MAD1L1: variants seen among roughly 807,000 people sequenced by gnomAD.
MAD1L1 encodes the protein mitotic spindle assembly checkpoint protein MAD1.
A neutral mutation model predicts 96.9 loss-of-function variants in MAD1L1; 95 were observed. The observed-to-expected ratio is 0.98, with a 90% CI of 0.83 to 1.16. MAD1L1 has a LOEUF of 1.16. MAD1L1 is among the 50% of genes most tolerant of loss of function. The probability of loss-of-function intolerance (pLI) is 0.00; values close to 1 mark genes in which losing one functional copy is unlikely to be tolerated. For missense variants in MAD1L1, 1,007 were observed against 954.4 expected, an observed-to-expected ratio of 1.06 and a Z score of -0.73; for synonymous variants, 473 against 396.6, an observed-to-expected ratio of 1.19 and a Z score of -2.29.
intron 18 of MAD1L1, among the ~76,000 whole-genome samples, chr7:1,852,775 G>A (rs577165655): frequency 9.9e-5 from 15 of 152,280 alleles, no homozygotes; most frequent in African/African-American, 3.6e-4. Flanking sequence ...TGCCTCCTGA[G>A]CCCACCCAGC....
At chr7:2,138,952 A>G (rs368946749) in intron 11 of MAD1L1, among the ~76,000 whole-genome samples, 12 of 152,210 alleles carry the variant, frequency 7.9e-5, no homozygotes, top group East Asian at 3.9e-4. Context: ...GATTTTCCAG[A>G]TGAAAAGCAG....
At chr7:2,177,014 A>C (rs2128598554) in intron 10 of MAD1L1, among the ~76,000 whole-genome samples, 1 of 152,358 alleles carries the variant, frequency 6.6e-6, no homozygotes, top group Middle Eastern at 3.4e-3. Flanking sequence ...ATATGTTATT[A>C]AAAGACGTAT....
intron 16 of MAD1L1, among the ~76,000 whole-genome samples, chr7:1,955,855 G>A (rs1408585541): frequency 6.6e-6 from 1 of 152,154 alleles, no homozygotes; most frequent in African/African-American, 2.4e-5. Context: ...GGGCTCTTCA[G>A]TTATTTGACT....
chr7:1,959,112 C>T (rs1417634176), intron 15 of MAD1L1, among the ~76,000 whole-genome samples: 3 of 152,042 alleles, frequency 2.0e-5, no homozygotes, highest in East Asian at 1.9e-4. Flanking sequence ...ATTAGCCGGG[C>T]GTCGTGGTAC....
intron 17 of MAD1L1, among the ~76,000 whole-genome samples, chr7:1,909,972 A>T (rs1787913185): frequency 6.6e-6 from 1 of 152,166 alleles, no homozygotes; most frequent in South Asian, 2.1e-4. Flanking sequence ...CAGCTTTCAA[A>T]CAGGGCACCT....
chr7:2,186,144 G>C (rs931930689), intron 10 of MAD1L1, among the ~76,000 whole-genome samples: 1 of 152,184 alleles, frequency 6.6e-6, no homozygotes, highest in Admixed American at 6.5e-5. Context: ...ATTTTGGAAC[G>C]TAATTTGGCA....
At chr7:2,079,588 G>A (rs984521086) in intron 11 of MAD1L1, 38 of 469,002 alleles carry the variant, frequency 8.1e-5, no homozygotes, top group African/African-American at 1.8e-4. Context: ...GAGGCCACAC[G>A]GCAAATACTC....
At chr7:1,905,834 G>C (rs557048881) in intron 17 of MAD1L1, among the ~76,000 whole-genome samples, 4 of 152,236 alleles carry the variant, frequency 2.6e-5, no homozygotes, top group African/African-American at 9.6e-5. Flanking sequence ...CAGATTATCT[G>C]AGGTCAGGAG....
intron 18 of MAD1L1, among the ~76,000 whole-genome samples, chr7:1,840,639 G>GA (rs1783200691): frequency 6.6e-6 from 1 of 152,260 alleles, no homozygotes; most frequent in South Asian, 2.1e-4. Context: ...TGAGGCAGGA[G>GA]AATCGCTTGA....
intron 11 of MAD1L1, among the ~76,000 whole-genome samples, chr7:2,092,252 A>G (rs1021314424): frequency 2.6e-5 from 4 of 152,048 alleles, no homozygotes; most frequent in African/African-American, 9.7e-5. Context: ...ACTCCTGAGC[A>G]TCCTCTTTTT....
At chr7:2,219,960 C>T (rs1793506406) in intron 5 of MAD1L1, among the ~76,000 whole-genome samples, 1 of 152,170 alleles carries the variant, frequency 6.6e-6, no homozygotes, top group Admixed American at 6.5e-5. Context: ...ACCTGGCAGT[C>T]TCTGTGCCAG....
At chr7:2,223,012 A>G (rs1793692703) in intron 4 of MAD1L1, among the ~76,000 whole-genome samples, 1 of 152,142 alleles carries the variant, frequency 6.6e-6, no homozygotes, top group Non-Finnish European at 1.5e-5. Context: ...GATCACACAC[A>G]CATTTATCAC....
intron 1 of MAD1L1, among the ~76,000 whole-genome samples, chr7:2,231,646 CTG>C (rs1794195839): frequency 1.3e-5 from 2 of 152,080 alleles, no homozygotes; most frequent in South Asian, 4.2e-4. Flanking sequence ...AATCTGGCCT[CTG>C]GGAATCAGAA....
intron 10 of MAD1L1, among the ~76,000 whole-genome samples, chr7:2,155,812 G>A (rs989716352): frequency 6.6e-6 from 1 of 152,204 alleles, no homozygotes; most frequent in Non-Finnish European, 1.5e-5. Flanking sequence ...GATCTCGGGT[G>A]GATACGCAGA....
At chr7:1,899,626 G>A (rs796865743) in intron 17 of MAD1L1, among the ~76,000 whole-genome samples, 11 of 152,300 alleles carry the variant, frequency 7.2e-5, no homozygotes, top group African/African-American at 1.2e-4. Flanking sequence ...GGGGAGGCTG[G>A]TCCTGAGTTA....
intron 10 of MAD1L1, among the ~76,000 whole-genome samples, chr7:2,180,407 T>TG (rs1791147242): frequency 6.6e-6 from 1 of 152,218 alleles, no homozygotes; most frequent in African/African-American, 2.4e-5. Context: ...TGGCCTTTGC[T>TG]TAAGACCGAG....
intron 18 of MAD1L1, among the ~76,000 whole-genome samples, chr7:1,843,011 C>T (rs1365459025): frequency 6.6e-6 from 1 of 152,220 alleles, no homozygotes; most frequent in South Asian, 2.1e-4. Flanking sequence ...GAAATGGCAT[C>T]CTGGCTTCCC....
At chr7:1,893,676 C>G (rs1029396404) in intron 18 of MAD1L1, among the ~76,000 whole-genome samples, 23 of 152,084 alleles carry the variant, frequency 1.5e-4, no homozygotes, top group Admixed American at 7.9e-4. Context: ...CCTGAGGATG[C>G]CTTTCTGAAG....
chr7:1,978,146 C>T lies in MAD1L1; in HGVS notation c.1505+2307G>A, dbSNP rs957238763. Among the ~76,000 whole-genome samples, 3 of 152,246 alleles carry T rather than the reference C, an allele frequency of 2.0e-5. No individual in the cohort carries two copies. In the South Asian group the frequency reaches 6.2e-4, roughly 32 times the overall value. On this transcript the variant is annotated intron_variant, in intron 15 of 18. Transcript: ENST00000265854. ...GTGGCCTCTGCTGCTGGTCCCAGCT[C>T]CCCCTCTCACTGCAGACACACATTG...
Sources: gnomAD v4.1 joint callset for allele counts (sites outside exome capture counted in the v4.1 genomes callset) on GRCh38, gnomAD v4.1.1 for gene constraint, MANE v1.5 for transcripts, NCBI Gene and HGNC (gene_info 2026-07-23, HGNC 2026-07-21) for gene names.